Variants in FAM227B observed in about 807,000 individuals in gnomAD.
The protein encoded by FAM227B is protein FAM227B.
Under a neutral mutation model 73.8 loss-of-function variants are expected in FAM227B, and 88 were observed. The observed-to-expected ratio is 1.19, with a 90% confidence interval of 1.00 to 1.42. FAM227B has a LOEUF of 1.42. Ranked by LOEUF, FAM227B falls within the 40% of genes most tolerant of loss-of-function variation. The pLI is 0.00. For synonymous variants in FAM227B, 210 were observed against 190.5 expected (o/e 1.10, Z -0.84); for missense variants, 632 against 590.9 (o/e 1.07, Z -0.72).
chr15:49,429,887 C>A (rs1293647246), intron 11 of FAM227B, among the ~76,000 whole-genome samples: 1 of 151,906 alleles, frequency 6.6e-6, no homozygotes, highest in African/African-American at 2.4e-5. Flanking sequence ...TGTTAAAGTT[C>A]TCCAATGATT....
At chr15:49,523,027 TTTC>T (rs1218547351) in intron 10 of FAM227B, among the ~76,000 whole-genome samples, 1 of 72,116 alleles carries the variant, frequency 1.4e-5, no homozygotes, top group Admixed American at 1.6e-4. Context: ...TCAGACTCTC[TTTC>T]TTTTACTCTC....
intron 10 of FAM227B, among the ~76,000 whole-genome samples, chr15:49,512,777 GTGTGTGT>G (rs1419431182): frequency 6.6e-6 from 1 of 151,916 alleles, no homozygotes; most frequent in Admixed American, 6.6e-5. Context: ...ACAGGCCCTG[GTGTGTGT>G]TTTTCTCCTC....
At chr15:49,456,614 A>G (rs193266994) in intron 11 of FAM227B, among the ~76,000 whole-genome samples, 52 of 152,162 alleles carry the variant, frequency 3.4e-4, no homozygotes, top group Non-Finnish European at 6.9e-4. Flanking sequence ...AATGTTTGAG[A>G]AGGAGAGATA....
intron 11 of FAM227B, among the ~76,000 whole-genome samples, chr15:49,376,425 C>A (rs959325286): frequency 2.0e-5 from 3 of 152,012 alleles, no homozygotes; most frequent in African/African-American, 7.2e-5. Flanking sequence ...AAATCAATGA[C>A]CCATGAATGT....
At chr15:49,589,623 T>G (rs959767617) in intron 4 of FAM227B, among the ~76,000 whole-genome samples, 153 bp downstream of exon 4, 1 of 136,842 alleles carries the variant, frequency 7.3e-6, no homozygotes, top group Non-Finnish European at 1.6e-5. Flanking sequence ...ACACAAAAAA[T>G]AAGGACTGGC....
intron 11 of FAM227B, among the ~76,000 whole-genome samples, chr15:49,386,527 G>A (rs2046895499): frequency 6.6e-6 from 1 of 151,736 alleles, no homozygotes; most frequent in Non-Finnish European, 1.5e-5. Context: ...AGTTTATAGT[G>A]CTAAATGCCT....
At chr15:49,529,423 A>G (rs1442497988) in intron 10 of FAM227B, among the ~76,000 whole-genome samples, 1 of 151,774 alleles carries the variant, frequency 6.6e-6, no homozygotes, top group East Asian at 1.9e-4. Flanking sequence ...TCACCATTGC[A>G]CAATATATCT....
At position 49,590,387 on chromosome 15, in the gene FAM227B, T is replaced by C. The variant is rs184009606; in HGVS notation, c.106-380A>G. Among the ~76,000 whole-genome samples, 267 of 152,302 alleles carry C rather than the reference T, an allele frequency of 1.8e-3. 7 individuals carry two copies. The highest frequency in any genetic ancestry group is 0.015 in the Admixed American group (236 of 15,294). The stretch of plus-strand genomic sequence containing the variant: ...TTTCAGTGGAACCAATTATGCCCTT[T>C]ATAGCAAAAGAATCTAGTTCAGAAT... On this transcript the variant is annotated intron_variant, in intron 3 of 15. Coordinates refer to ENST00000299338, the MANE Select transcript of FAM227B (RefSeq NM_152647.3).
In FAM227B at chr15:49,361,807, T is replaced by C. The variant is rs184845065; in HGVS notation, c.1271+5641A>G. ...GAATGGTAATTCTGCTTTCAGTTCT[T>C]TGAGAAATTGCCAAACTGCTTTCCA... On this transcript the variant is annotated intron_variant, in intron 13 of 15. Transcript: ENST00000299338. 3.2e-4 allele frequency among the ~76,000 whole-genome samples: 49 copies of C among 152,236 alleles called. No homozygotes were observed. In the East Asian group the frequency reaches 9.3e-3, roughly 29 times the overall value.
intron 3 of FAM227B, among the ~76,000 whole-genome samples, chr15:49,595,605 G>A (rs2076842151): frequency 6.6e-6 from 1 of 151,564 alleles, no homozygotes; most frequent in Non-Finnish European, 1.5e-5. Context: ...TTACCTTAAG[G>A]TATGTCCCTT....
chr15:49,392,864 G>A (rs1456582059), intron 11 of FAM227B, among the ~76,000 whole-genome samples: 8 of 152,146 alleles, frequency 5.3e-5, no homozygotes, highest in Non-Finnish European at 1.0e-4. Flanking sequence ...ATTTGTAATG[G>A]AGAAAGGTAA....
At chr15:49,610,010 C>T in intron 3 of FAM227B, among the ~76,000 whole-genome samples, 1 of 151,848 alleles carries the variant, frequency 6.6e-6, no homozygotes, top group East Asian at 1.9e-4. Flanking sequence ...ATTAATAAGA[C>T]ATGGTTTGAT....
intron 11 of FAM227B, among the ~76,000 whole-genome samples, chr15:49,408,764 G>A (rs2048683935): frequency 1.3e-5 from 2 of 151,246 alleles, no homozygotes; most frequent in African/African-American, 4.9e-5. Context: ...GTCAGATTAT[G>A]CTTTTAAAAT....
At chr15:49,541,475 T>C (rs780439720) in intron 10 of FAM227B, among the ~76,000 whole-genome samples, 4 of 152,114 alleles carry the variant, frequency 2.6e-5, no homozygotes, top group Non-Finnish European at 5.9e-5. Context: ...GATATTTGGC[T>C]CTAAATTTAA....
intron 11 of FAM227B, among the ~76,000 whole-genome samples, chr15:49,451,968 A>C (rs1007950634): frequency 6.6e-6 from 1 of 152,134 alleles, no homozygotes; most frequent in African/African-American, 2.4e-5. Flanking sequence ...AAAAAATGCT[A>C]TTTGAGAAAC....
intron 3 of FAM227B, among the ~76,000 whole-genome samples, chr15:49,595,463 T>C (rs2076834276): frequency 6.6e-6 from 1 of 152,008 alleles, no homozygotes; most frequent in South Asian, 2.1e-4. Flanking sequence ...TTGTTCTAGC[T>C]AGGACTTCAG....
chr15:49,368,375 A>C (rs1178620791), intron 12 of FAM227B, among the ~76,000 whole-genome samples: 1 of 152,148 alleles, frequency 6.6e-6, no homozygotes, highest in Non-Finnish European at 1.5e-5. Flanking sequence ...TGGGGAAATA[A>C]AATTTTGTTT....
At chr15:49,583,609 A>AT (rs1223342643) in intron 5 of FAM227B, among the ~76,000 whole-genome samples, 1 of 148,092 alleles carries the variant, frequency 6.8e-6, no homozygotes, top group African/African-American at 2.5e-5. Flanking sequence ...TGGAGTAGCC[A>AT]TTTTTTCATT....
chr15:49,550,422 C>T (rs1448153216), intron 9 of FAM227B, among the ~76,000 whole-genome samples: 8 of 151,766 alleles, frequency 5.3e-5, no homozygotes, highest in South Asian at 2.1e-4. Context: ...GGCTGCTGGG[C>T]GGAGACGCTC....
Sources: gnomAD v4.1 joint callset for allele counts (sites outside exome capture counted in the v4.1 genomes callset) on GRCh38, gnomAD v4.1.1 for gene constraint, MANE v1.5 for transcripts, NCBI Gene and HGNC (gene_info 2026-07-23, HGNC 2026-07-21) for gene names.